FYTTD1: variants seen among roughly 807,000 people sequenced by gnomAD.
FYTTD1 encodes UAP56-interacting factor.
A neutral mutation model predicts 40.9 loss-of-function variants in FYTTD1; 22 were observed. The observed-to-expected ratio is 0.54, with a 90% CI of 0.38 to 0.77. The LOEUF (loss-of-function observed/expected upper bound fraction) is 0.77. Among genes scored for constraint, FYTTD1 ranks in the 30% least tolerant of loss-of-function variants. The pLI, the probability that FYTTD1 is intolerant of heterozygous loss-of-function variation, is 0.00. For missense variants in FYTTD1, 351 were observed against 392.2 expected (o/e 0.90, Z 0.89); for synonymous variants, 140 against 137.9 (o/e 1.01, Z -0.10).
chr3:197,760,113 A>G (rs1203140078), intron 2 of FYTTD1, among the ~76,000 whole-genome samples: 1 of 151,876 alleles, frequency 6.6e-6, no homozygotes, highest in African/African-American at 2.4e-5. Flanking sequence ...TAGAACGTAT[A>G]GAATGTTCCT....
At chr3:197,770,038 T>C (rs567483736) in intron 3 of FYTTD1, 94 bp from the exon 4 acceptor site, 1 of 732,788 alleles carries the variant, frequency 1.4e-6, no homozygotes, top group South Asian at 1.8e-5. Flanking sequence ...CAAGCAGTTG[T>C]CAATCCTTGT....
rs1250887873 is a variant in FYTTD1 at position 197,755,752 on chromosome 3, TGC to T, written c.104-673_104-672del. The T allele has an allele frequency of 2.6e-6, 4 of 1,527,766 alleles. No individual in the cohort carries two copies. The African/African-American group carries it at 5.6e-5, about 21-fold the overall frequency. 94.6% of individuals were successfully genotyped at this position (1,527,766 alleles called of 1,614,324 possible). On this transcript the variant is annotated intron_variant, in intron 1 of 8. Transcript: ENST00000241502. ...ATCCGCCCACCTCAGCCTCCCAAAG[TGC>T]TGGGATTATAGGTGTGAGTCACCAT... is the stretch of plus-strand genomic sequence containing the variant.
At chr3:197,765,859 C>T (rs1009565945) in intron 2 of FYTTD1, among the ~76,000 whole-genome samples, 7 of 151,860 alleles carry the variant, frequency 4.6e-5, no homozygotes, top group Admixed American at 1.3e-4. Flanking sequence ...AGCCGGGCAT[C>T]GTATTGGGCA....
chr3:197,765,384 A>C (rs912298011), intron 2 of FYTTD1, among the ~76,000 whole-genome samples: 1 of 152,198 alleles, frequency 6.6e-6, no homozygotes, highest in Non-Finnish European at 1.5e-5. Context: ...CATACAAATT[A>C]TAGTACTCAG....
At chr3:197,776,790 A>C in intron 6 of FYTTD1, 137 bp from the exon 7 acceptor site, 1 of 582,488 alleles carries the variant, frequency 1.7e-6, no homozygotes, top group South Asian at 2.4e-5. Flanking sequence ...TTATTATATC[A>C]TGGTGGGGTT....
At chr3:197,752,856 A>G (rs1729105220) in intron 1 of FYTTD1, among the ~76,000 whole-genome samples, 1 of 152,204 alleles carries the variant, frequency 6.6e-6, no homozygotes, top group Non-Finnish European at 1.5e-5. Flanking sequence ...AAGTCATACA[A>G]GGTAGTTAAG....
chr3:197,785,423 T>C lies in FYTTD1; in HGVS notation c.*3514T>C, dbSNP rs902391198. ...CCCAGGTAATTCAAAGCCATGTTGT[T>C]GAAGGGCCAACTGTTTAAGCCAATC... On this transcript the variant is annotated 3_prime_UTR_variant, in exon 9 of 9. Transcript: ENST00000241502. 2.6e-5 allele frequency: 4 copies of C among 152,226 alleles called. No individual in the cohort carries two copies. Among genetic ancestry groups the C allele is most frequent in the Non-Finnish European group, 4.4e-5 (3 of 68,034 alleles). The allele number at this position is 152,226 out of a possible 1,614,324, so 9.4% of individuals were successfully genotyped here. A position where few individuals can be genotyped will look rare whatever the true frequency, so the allele number is the denominator to read the frequency against.
At chr3:197,750,499 T>C in intron 1 of FYTTD1, 1 of 987,210 alleles carries the variant, frequency 1.0e-6, no homozygotes, top group Non-Finnish European at 1.2e-6. Flanking sequence ...ACCGAGCCGT[T>C]CTCTCTGAAG....
intron 2 of FYTTD1, among the ~76,000 whole-genome samples, chr3:197,767,693 A>G (rs999737735): frequency 1.3e-5 from 2 of 151,786 alleles, no homozygotes; most frequent in Admixed American, 1.3e-4. Context: ...AGCTCAAGGG[A>G]TCTTCTTCCC....
chr3:197,782,138 A>G lies in FYTTD1; in HGVS notation c.*229A>G. ...TTCTTAAAGATTTCATGGTTGGCTC[A>G]GACAGAACAATCATCTGTTTGACTT... On this transcript the variant is annotated 3_prime_UTR_variant, in exon 9 of 9. Coordinates refer to ENST00000241502, the MANE Select transcript of FYTTD1 (RefSeq NM_032288.7). The G allele has an allele frequency of 3.2e-6, 1 of 316,816 alleles. No homozygotes were observed. The highest frequency in any genetic ancestry group is 5.7e-6 in the Non-Finnish European group (1 of 174,172). 19.6% of individuals were successfully genotyped at this position (316,816 alleles called of 1,614,324 possible). A position where few individuals can be genotyped will look rare whatever the true frequency, so the allele number is the denominator to read the frequency against.
At chr3:197,765,557 T>C (rs1453504664) in intron 2 of FYTTD1, among the ~76,000 whole-genome samples, 3 of 152,122 alleles carry the variant, frequency 2.0e-5, no homozygotes, top group Non-Finnish European at 2.9e-5. Context: ...AGCAATAATT[T>C]GATTTAAAAA....
upstream of FYTTD1, chr3:197,749,844 T>G (rs1243074852): frequency 8.9e-6 from 5 of 561,014 alleles, no homozygotes; most frequent in Non-Finnish European, 1.5e-5. Flanking sequence ...CAGCCGCGGG[T>G]GGAGACCGAG....
At chr3:197,772,042 C>G (rs1042271656) in intron 4 of FYTTD1, among the ~76,000 whole-genome samples, 8 of 151,980 alleles carry the variant, frequency 5.3e-5, no homozygotes, top group Non-Finnish European at 1.2e-4. Context: ...TGCAGTGAGT[C>G]AAGATGGTGC....
At position 197,750,726 on chromosome 3, in the gene FYTTD1, GCA is replaced by G. The variant is rs1186472473; in HGVS notation, c.103+655_103+656del. ...TGTGTATTGAGCGCTGCCTAGAAAA[GCA>G]CAGTCTCCCTCTCCAGGCCTCAGAG... On this transcript the variant is annotated intron_variant, in intron 1 of 8. Transcript: ENST00000241502. The G allele has an allele frequency of 2.6e-5, 26 of 985,368 alleles. No homozygotes were observed. The African/African-American group carries it at 4.0e-4, about 15-fold the overall frequency. 61.0% of individuals were successfully genotyped at this position (985,368 alleles called of 1,614,324 possible).
chr3:197,761,605 A>G (rs1729392050), intron 2 of FYTTD1, among the ~76,000 whole-genome samples: 1 of 152,192 alleles, frequency 6.6e-6, no homozygotes, highest in Admixed American at 6.5e-5. Context: ...TCAGTGTTAG[A>G]ATGTATAGAG....
At chr3:197,777,993 C>T (rs967061179) in intron 7 of FYTTD1, among the ~76,000 whole-genome samples, 3 of 152,140 alleles carry the variant, frequency 2.0e-5, no homozygotes, top group African/African-American at 7.2e-5. Context: ...ATTATAGGCC[C>T]GAGCCACAGT....
chr3:197,765,991 G>A (rs147398806), intron 2 of FYTTD1, among the ~76,000 whole-genome samples: 2,525 of 151,550 alleles, frequency 0.017, 42 homozygotes, highest in Middle Eastern at 0.061. Context: ...GCAAGACTCT[G>A]TCTCAAAAAA....
chr3:197,750,139 G>A, intron 1 of FYTTD1, 65 bp downstream of exon 1: 1 of 1,271,246 alleles, frequency 7.9e-7, no homozygotes, highest in East Asian at 3.0e-5. Flanking sequence ...CGGCGGCGCG[G>A]TTTGTGGGGG....
chr3:197,752,151 G>A (rs563262172), intron 1 of FYTTD1, among the ~76,000 whole-genome samples: 1 of 152,254 alleles, frequency 6.6e-6, no homozygotes, highest in African/African-American at 2.4e-5. Context: ...GGCGTGAGCC[G>A]CCGCACCCGG....
Sources: gnomAD v4.1 joint callset for allele counts (sites outside exome capture counted in the v4.1 genomes callset) on GRCh38, gnomAD v4.1.1 for gene constraint, MANE v1.5 for transcripts, NCBI Gene and HGNC (gene_info 2026-07-23, HGNC 2026-07-21) for gene names.